DCC: variants seen among roughly 807,000 people sequenced by gnomAD.
DCC encodes DCC netrin 1 receptor, also known as netrin receptor DCC.
Under a neutral mutation model 172.5 loss-of-function variants are expected in DCC, and 58 were observed. The ratio of observed to expected loss-of-function variants is 0.34; its 90% CI spans 0.27 to 0.42. The LOEUF (loss-of-function observed/expected upper bound fraction) is 0.42. Among genes scored for constraint, DCC ranks in the 10% least tolerant of loss-of-function variants. The pLI, the probability that DCC is intolerant of heterozygous loss-of-function variation, is 1.00. For missense variants in DCC, 1,740 were observed against 1,791.0 expected, an observed-to-expected ratio of 0.97 and a Z score of 0.51; for synonymous variants, 709 against 644.5, an observed-to-expected ratio of 1.10 and a Z score of -1.52.
chr18:52,992,768 G>C (rs556256893), intron 5 of DCC, among the ~76,000 whole-genome samples: 12 of 152,200 alleles, frequency 7.9e-5, no homozygotes, highest in African/African-American at 2.9e-4. Flanking sequence ...TTCAGGGCAG[G>C]AGTTTGAGAC....
intron 1 of DCC, among the ~76,000 whole-genome samples, chr18:52,577,657 A>T (rs2033446723): frequency 6.6e-6 from 1 of 152,182 alleles, no homozygotes; most frequent in South Asian, 2.1e-4. Flanking sequence ...AGATGAAGTA[A>T]TGCAAGGCTT....
chr18:52,712,320 G>A (rs534439668), intron 1 of DCC, among the ~76,000 whole-genome samples: 1 of 152,216 alleles, frequency 6.6e-6, no homozygotes, highest in South Asian at 2.1e-4. Context: ...ACCACTATAT[G>A]TGTGTAATAT....
intron 1 of DCC, among the ~76,000 whole-genome samples, chr18:52,533,390 T>C (rs2144688125): frequency 6.6e-6 from 1 of 152,260 alleles, no homozygotes; most frequent in East Asian, 1.9e-4. Flanking sequence ...GTGTGGCCCT[T>C]TGATGTGCCT....
chr18:53,146,291 A>G (rs1025130052), intron 7 of DCC, among the ~76,000 whole-genome samples: 2 of 152,234 alleles, frequency 1.3e-5, no homozygotes, highest in Non-Finnish European at 2.9e-5. Context: ...TATTTCTTAC[A>G]GTTCTGGAGG....
intron 12 of DCC, among the ~76,000 whole-genome samples, chr18:53,260,476 A>C (rs1229186659): frequency 1.3e-5 from 2 of 152,056 alleles, no homozygotes; most frequent in Non-Finnish European, 2.9e-5. Flanking sequence ...CACTCCAGAC[A>C]CTTTTTGCCT....
chr18:53,035,108 A>G (rs1437161230), intron 5 of DCC, among the ~76,000 whole-genome samples: 1 of 152,018 alleles, frequency 6.6e-6, no homozygotes, highest in Non-Finnish European at 1.5e-5. Flanking sequence ...TGCATGTAAT[A>G]TGTAATGATC....
intron 12 of DCC, among the ~76,000 whole-genome samples, chr18:53,235,428 T>C (rs1446990527): frequency 1.3e-5 from 2 of 152,180 alleles, no homozygotes; most frequent in Non-Finnish European, 2.9e-5. Flanking sequence ...AAGAAAGAAC[T>C]CCTAGAAAAA....
chr18:52,579,440 G>A (rs576021037), intron 1 of DCC, among the ~76,000 whole-genome samples: 1 of 152,272 alleles, frequency 6.6e-6, no homozygotes, highest in East Asian at 1.9e-4. Context: ...ATGCAATAGG[G>A]CAAAGACTAG....
At chr18:53,527,593 T>C (rs980307550) in intron 28 of DCC, among the ~76,000 whole-genome samples, 1 of 151,930 alleles carries the variant, frequency 6.6e-6, no homozygotes, top group Non-Finnish European at 1.5e-5. Flanking sequence ...GGAAAGTTTA[T>C]TTAAAGACAG....
At chr18:52,984,929 G>C (rs2041268276) in intron 5 of DCC, among the ~76,000 whole-genome samples, 1 of 151,926 alleles carries the variant, frequency 6.6e-6, no homozygotes, top group South Asian at 2.1e-4. Context: ...ATTTTAAAAT[G>C]ACATTTTATT....
chr18:52,636,677 G>A (rs922271664), intron 1 of DCC, among the ~76,000 whole-genome samples: 2 of 152,030 alleles, frequency 1.3e-5, no homozygotes, highest in East Asian at 3.9e-4. Flanking sequence ...ACCCACCCCA[G>A]AGAGTCTGAA....
intron 1 of DCC, among the ~76,000 whole-genome samples, chr18:52,407,329 C>CA (rs991926404): frequency 3.9e-5 from 6 of 152,052 alleles, no homozygotes; most frequent in African/African-American, 1.4e-4. Context: ...AACAGTAAAA[C>CA]AAAAGATGAA....
chr18:52,916,692 A>T (rs567588650), intron 3 of DCC, among the ~76,000 whole-genome samples: 2 of 152,182 alleles, frequency 1.3e-5, no homozygotes, highest in South Asian at 4.1e-4. Flanking sequence ...AATTTTCAAA[A>T]CCCTGCTTAT....
intron 9 of DCC, among the ~76,000 whole-genome samples, chr18:53,196,912 C>T (rs1380732195): frequency 6.6e-6 from 1 of 152,034 alleles, no homozygotes; most frequent in Admixed American, 6.6e-5. Flanking sequence ...AAATTACTGT[C>T]TTATCTCCTA....
chr18:52,409,566 C>T (rs567100668), intron 1 of DCC, among the ~76,000 whole-genome samples: 2 of 152,160 alleles, frequency 1.3e-5, no homozygotes, highest in Non-Finnish European at 2.9e-5. Context: ...CATGTCCCAA[C>T]TTACATGCCA....
chr18:52,645,566 A>G (rs1698159077), intron 1 of DCC, among the ~76,000 whole-genome samples: 1 of 152,230 alleles, frequency 6.6e-6, no homozygotes, highest in South Asian at 2.1e-4. Flanking sequence ...TGTCCTCAAG[A>G]GATAACATTT....
At chr18:52,364,467 A>T (rs1984756845) in intron 1 of DCC, among the ~76,000 whole-genome samples, 1 of 152,220 alleles carries the variant, frequency 6.6e-6, no homozygotes, top group South Asian at 2.1e-4. Context: ...CATAACTTAA[A>T]AAAAGCTTAG....
chr18:53,284,215 T>C (rs931798943), intron 12 of DCC, among the ~76,000 whole-genome samples: 2 of 152,162 alleles, frequency 1.3e-5, no homozygotes, highest in East Asian at 3.9e-4. Flanking sequence ...AGGATTGAGA[T>C]TGAAACCTCC....
rs201655487 is a variant in DCC at position 52,662,611 on chromosome 18, GAGAA to G, written c.92-89431_92-89428del. ...GGAAAGAAAGGGAGGGAAAGAGAGA[GAGAA>G]AGAAAGAAAGAGAAAGAAGCGAAAA... is the stretch of plus-strand genomic sequence containing the variant. On this transcript the variant is annotated intron_variant, in intron 1 of 28. Transcript: ENST00000442544. 1.8e-3 allele frequency among the ~76,000 whole-genome samples: 263 copies of G among 148,892 alleles called. No individual in the cohort carries two copies. The East Asian group carries it at 0.026, about 14-fold the overall frequency.
Sources: gnomAD v4.1 joint callset for allele counts (sites outside exome capture counted in the v4.1 genomes callset) on GRCh38, gnomAD v4.1.1 for gene constraint, MANE v1.5 for transcripts, NCBI Gene and HGNC (gene_info 2026-07-23, HGNC 2026-07-21) for gene names.